The following DRC3 variants were observed in gnomAD, a reference collection of about 807,000 sequenced individuals.
DRC3 encodes the protein dynein regulatory complex subunit 3.
DRC3 carries 45 observed loss-of-function variants against 57.6 expected under a neutral mutation model. The observed-to-expected ratio is 0.78, with a 90% CI of 0.62 to 1.00. The LOEUF is 1.00. Among genes scored for constraint, DRC3 ranks in the 50% least tolerant of loss-of-function variants. The probability of loss-of-function intolerance (pLI) is 0.00; values close to 1 mark genes in which losing one functional copy is unlikely to be tolerated. For missense variants in DRC3, 655 were observed against 675.2 expected (o/e 0.97, Z 0.33); for synonymous variants, 257 against 272.3 (o/e 0.94, Z 0.55).
intron 10 of DRC3, chr17:18,004,843 T>C (rs143686232): frequency 9.1e-6 from 2 of 220,402 alleles, no homozygotes; most frequent in South Asian, 9.0e-5. Context: ...CCCCTCCGCA[T>C]TGCAGCCTGC....
At position 17,977,607 on chromosome 17, in the gene DRC3, G is replaced by C. The variant is rs747781609; in HGVS notation, c.9G>C (p.Gln3His). 6.2e-6 allele frequency: 10 copies of C among 1,613,980 alleles called. No individual in the cohort carries two copies. The highest frequency in any genetic ancestry group is 2.2e-5 in the East Asian group (1 of 44,886). MN[Q>H]PCNSMEPRVM... is the part of the protein sequence containing the mutation. ...GGAAAACGTGGGGGAAGATGAACCA[G>C]CCGTGCAACTCGATGGAGCCGAGGG... The change falls in exon 3 of 14, where the codon CAG becomes CAC. Residue 3 changes from glutamine (Q) to histidine (H), a missense_variant. Gln to His is a conservative substitution (Grantham distance 24, BLOSUM62 0). Coordinates refer to ENST00000399187, the MANE Select transcript of DRC3 (RefSeq NM_031294.4).
rs146193317 is a variant in DRC3, at chr17:17,976,840, G to A, written c.-17-742G>A. Among the ~76,000 whole-genome samples the A allele has an allele frequency of 3.0e-4, 46 of 152,282 alleles. No homozygotes were observed. In the East Asian group the frequency reaches 7.9e-3, roughly 26 times the overall value. On this transcript the variant is annotated intron_variant, in intron 2 of 13. Transcript: ENST00000399187. ...AGCCTCTGTCTGTGTCGATCTGTCT[G>A]TCCTTTGTCTTTTGTTTTCTGATTC...
chr17:18,010,947 TTTG>T (rs1302985649), intron 12 of DRC3: 36 of 213,224 alleles, frequency 1.7e-4, no homozygotes, highest in South Asian at 3.5e-4. Context: ...AGGTTTTTTT[TTTG>T]TTTGTTTGTT....
At chr17:18,000,057 CCT>C (rs532354256) in intron 9 of DRC3, among the ~76,000 whole-genome samples, 137 of 146,606 alleles carry the variant, frequency 9.3e-4, no homozygotes, top group Middle Eastern at 3.8e-3. Flanking sequence ...CATAGCATGC[CCT>C]GTTTTGTACT....
intron 5 of DRC3, 76 bp from the exon 6 acceptor site, chr17:17,992,689 T>C: frequency 6.7e-7 from 1 of 1,490,048 alleles, no homozygotes; most frequent in South Asian, 1.3e-5. Flanking sequence ...GAAAGAGTAC[T>C]GAGGAGGGAG....
At chr17:17,988,775 T>C (rs752163835) in intron 5 of DRC3, among the ~76,000 whole-genome samples, 1 of 152,132 alleles carries the variant, frequency 6.6e-6, no homozygotes, top group Non-Finnish European at 1.5e-5. Flanking sequence ...CTGTGGGCCG[T>C]GGTGGCTTAG....
chr17:17,997,413 G>A lies in DRC3; in HGVS notation c.825-47G>A, dbSNP rs116977827. 2.8e-3 allele frequency: 4,428 copies of A among 1,597,722 alleles called. 79 individuals are homozygous for A. In the East Asian group the frequency reaches 0.037, roughly 13 times the overall value. On this transcript the variant is annotated intron_variant, in intron 8 of 13. Coordinates refer to ENST00000399187, the MANE Select transcript of DRC3 (RefSeq NM_031294.4). ...TACCAACACCTTGGCCGTGCCCTCCGCAGCCTGCTCCTGAAACAGCTGTGG... is the reference window on the plus strand; with the variant it reads ...TACCAACACCTTGGCCGTGCCCTCCACAGCCTGCTCCTGAAACAGCTGTGG...
At chr17:18,007,835 G>C in intron 12 of DRC3, 1 of 1,007,254 alleles carries the variant, frequency 9.9e-7, no homozygotes, top group Non-Finnish European at 1.2e-6. Context: ...TCCACTGCCA[G>C]TTTCTCAGCT....
chr17:18,004,539 G>A, intron 10 of DRC3, 45 bp downstream of exon 10: 5 of 1,587,724 alleles, frequency 3.1e-6, no homozygotes, highest in Non-Finnish European at 4.3e-6. Flanking sequence ...TGGCGATGCA[G>A]CTGCACATCC....
chr17:18,002,795 T>C (rs2043791344), intron 9 of DRC3, among the ~76,000 whole-genome samples: 1 of 152,164 alleles, frequency 6.6e-6, no homozygotes, highest in Non-Finnish European at 1.5e-5. Flanking sequence ...AAGGTCACAC[T>C]GTTAAGTGAC....
chr17:17,986,039 G>T (rs566337662), intron 4 of DRC3, among the ~76,000 whole-genome samples: 1 of 152,252 alleles, frequency 6.6e-6, no homozygotes, highest in East Asian at 1.9e-4. Context: ...AGCCTCCCAA[G>T]TAGCTGGGAT....
intron 4 of DRC3, among the ~76,000 whole-genome samples, chr17:17,986,205 C>G (rs2042949534): frequency 1.3e-5 from 2 of 152,230 alleles, no homozygotes. Context: ...AGCCACTGCA[C>G]CTGGCCCGAA....
At chr17:17,975,969 T>C (rs1265360529) in intron 2 of DRC3, among the ~76,000 whole-genome samples, 1 of 151,588 alleles carries the variant, frequency 6.6e-6, no homozygotes, top group Non-Finnish European at 1.5e-5. Context: ...TAGAGGGAAG[T>C]CTCTAAGACC....
At chr17:18,002,171 GA>G (rs960562539) in intron 9 of DRC3, among the ~76,000 whole-genome samples, 20 of 147,988 alleles carry the variant, frequency 1.4e-4, no homozygotes, top group African/African-American at 4.2e-4. Flanking sequence ...CTGTCTCAAA[GA>G]AAAAAAAAAT....
intron 12 of DRC3, chr17:18,007,790 T>C (rs533334510): frequency 2.8e-6 from 3 of 1,084,350 alleles, no homozygotes; most frequent in African/African-American, 3.3e-5. Flanking sequence ...AGATACTATG[T>C]TGTCAGGGCC....
intron 12 of DRC3, chr17:18,007,812 AT>A: frequency 9.7e-7 from 1 of 1,034,302 alleles, no homozygotes; most frequent in Non-Finnish European, 1.2e-6. Flanking sequence ...GCTTTAGTGC[AT>A]GCATCATTCA....
Position 18,007,096 on chromosome 17 carries a change from GAA to G in DRC3, c.1276_1277del (p.Lys426AspfsTer12). The G allele has an allele frequency of 6.4e-7, 1 of 1,556,342 alleles. No homozygotes were observed. The highest frequency in any genetic ancestry group is 8.7e-7 in the Non-Finnish European group (1 of 1,146,552). On this transcript the variant is annotated frameshift_variant, in exon 12 of 14. Coordinates refer to ENST00000399187, the MANE Select transcript of DRC3 (RefSeq NM_031294.4). LOFTEE classifies it high-confidence loss of function. ...LLEISISTLE[K>X]IVEGDLDEDL... ...TGGAGATCTCTATCAGCACCCTGGA[GAA>G]GATTGTCGAGGGCGACCTGGACGAG...
chr17:18,000,631 A>G (rs2043690325), intron 9 of DRC3, among the ~76,000 whole-genome samples: 1 of 152,024 alleles, frequency 6.6e-6, no homozygotes, highest in Admixed American at 6.6e-5. Context: ...GGAACTGTGC[A>G]TTGGTTTTTT....
chr17:17,977,326 C>A (rs2042433237), intron 2 of DRC3: 1 of 461,680 alleles, frequency 2.2e-6, no homozygotes, highest in Admixed American at 3.6e-5. Context: ...TCCAGTGGGT[C>A]CAGCGAGGGT....
Sources: gnomAD v4.1 joint callset for allele counts (sites outside exome capture counted in the v4.1 genomes callset) on GRCh38, gnomAD v4.1.1 for gene constraint, MANE v1.5 for transcripts, NCBI Gene and HGNC (gene_info 2026-07-23, HGNC 2026-07-21) for gene names.